SIRT1: variants seen among roughly 807,000 people sequenced by gnomAD.
The protein encoded by SIRT1 is sirtuin 1, also known as NAD-dependent protein deacetylase sirtuin-1.
A neutral mutation model predicts 67.9 loss-of-function variants in SIRT1; 24 were observed. The ratio of observed to expected loss-of-function variants is 0.35; its 90% CI spans 0.26 to 0.50. The LOEUF (loss-of-function observed/expected upper bound fraction) is 0.50. SIRT1 is among the 20% of genes least tolerant of loss of function. SIRT1 has a pLI of 0.98. For missense variants in SIRT1, 873 were observed against 937.2 expected (o/e 0.93, Z 0.89); for synonymous variants, 378 against 350.7 (o/e 1.08, Z -0.87).
At chr10:67,898,920 G>A (rs963880650) in intron 4 of SIRT1, among the ~76,000 whole-genome samples, 1 of 152,128 alleles carries the variant, frequency 6.6e-6, no homozygotes, top group Non-Finnish European at 1.5e-5. Context: ...TCTGTGAGGT[G>A]CTTGAATACT....
intron 4 of SIRT1, among the ~76,000 whole-genome samples, chr10:67,905,524 T>C (rs984101044): frequency 6.6e-6 from 1 of 152,238 alleles, no homozygotes; most frequent in African/African-American, 2.4e-5. Flanking sequence ...AAGTTTTACT[T>C]AGAAGCCTGG....
In SIRT1 at chr10:67,916,902, A is replaced by C; in HGVS notation, c.*309A>C. 1 of 178,256 alleles carries C rather than the reference A, an allele frequency of 5.6e-6. No individual in the cohort carries two copies. Among genetic ancestry groups the C allele is most frequent in the Non-Finnish European group, 1.2e-5 (1 of 86,262 alleles). 11.0% of individuals were successfully genotyped at this position (178,256 alleles called of 1,614,324 possible). ...TGATAAATTCATATGTGTATATATA[A>C]TTTTTTTTGTTTTGTCTAGTGAGTT... On this transcript the variant is annotated 3_prime_UTR_variant, in exon 9 of 9. Coordinates refer to ENST00000212015, the MANE Select transcript of SIRT1 (RefSeq NM_012238.5).
chr10:67,907,904 G>T (rs1842845410), intron 5 of SIRT1, 142 bp from the exon 6 acceptor site: 1 of 624,194 alleles, frequency 1.6e-6, no homozygotes, highest in Non-Finnish European at 2.7e-6. Flanking sequence ...GTGTTCTGAG[G>T]TTTAAAATCA....
Position 67,884,847 on chromosome 10 carries a change from C to T in SIRT1, c.126C>T (p.Pro42=). The change falls in exon 1 of 9, where the codon CCC becomes CCT. Residue 42 remains proline (P), a synonymous_variant. Transcript: ENST00000212015. ...PLRKRPRRDG[P]GLERSPGEPG... Reference sequence around the variant, plus strand: ...GCAAGAGGCCGCGGAGAGATGGTCCCGGCCTCGAGCGGAGCCCGGGCGAGC... The same window carrying T: ...GCAAGAGGCCGCGGAGAGATGGTCCTGGCCTCGAGCGGAGCCCGGGCGAGC... The T allele has an allele frequency of 2.5e-6, 3 of 1,220,106 alleles. No homozygotes were observed. The highest frequency in any genetic ancestry group is 3.1e-6 in the Non-Finnish European group (3 of 980,562). The allele number at this position is 1,220,106 out of a possible 1,614,324, so 75.6% of individuals were successfully genotyped here.
At chr10:67,906,020 AAGT>A (rs1842815755) in intron 4 of SIRT1, 1 of 619,588 alleles carries the variant, frequency 1.6e-6, no homozygotes, top group Non-Finnish European at 2.3e-6. Context: ...TTGAAGGAAA[AAGT>A]AGAGAATAAA....
At chr10:67,915,265 C>T (rs563554992) in intron 8 of SIRT1, among the ~76,000 whole-genome samples, 19 of 152,230 alleles carry the variant, frequency 1.2e-4, no homozygotes, top group Middle Eastern at 3.4e-3. Flanking sequence ...TTTGAGAATT[C>T]GTCTGGGATA....
At position 67,917,895 on chromosome 10, in the gene SIRT1, A is replaced by G. The variant is rs200166513; in HGVS notation, c.*1302A>G. On this transcript the variant is annotated 3_prime_UTR_variant, in exon 9 of 9. Transcript: ENST00000212015. ...TTATGAAATTGCACAGTAAGCATTT[A>G]TTTTTCAGACCATTTTTGAACATCA... 1.3e-5 allele frequency: 2 copies of G among 152,488 alleles called. No individual in the cohort carries two copies. The allele number at this position is 152,488 out of a possible 1,614,324, so 9.4% of individuals were successfully genotyped here. A position where few individuals can be genotyped will look rare whatever the true frequency, so the allele number is the denominator to read the frequency against.
At chr10:67,890,756 C>T (rs1382634299) in intron 3 of SIRT1, among the ~76,000 whole-genome samples, 4 of 149,592 alleles carry the variant, frequency 2.7e-5, no homozygotes, top group Non-Finnish European at 4.4e-5. Context: ...AAAAGCCGGG[C>T]GCGGTGGCTC....
intron 4 of SIRT1, among the ~76,000 whole-genome samples, chr10:67,892,439 G>A (rs1472166101): frequency 1.3e-5 from 2 of 151,986 alleles, no homozygotes; most frequent in African/African-American, 2.4e-5. Flanking sequence ...TGAGCATGGT[G>A]GTGTGCACCT....
intron 4 of SIRT1, among the ~76,000 whole-genome samples, chr10:67,900,642 C>T (rs1018820870): frequency 6.6e-6 from 1 of 151,952 alleles, no homozygotes; most frequent in Non-Finnish European, 1.5e-5. Context: ...GACAGTCTTG[C>T]TATGTTGCCC....
In SIRT1 at chr10:67,890,080, G is replaced by A. The variant is rs1204694294; in HGVS notation, c.789+957G>A. ...CTGCAGTCTCAGCCTCTCCTGGCCT[G>A]AGTCTTGCTCTGTTGCCTAGGCTGG... On this transcript the variant is annotated intron_variant, in intron 3 of 8. Transcript: ENST00000212015. Among the ~76,000 whole-genome samples, 3 of 151,688 alleles carry A rather than the reference G, an allele frequency of 2.0e-5. No individual in the cohort carries two copies. In the East Asian group the frequency reaches 5.8e-4, roughly 29 times the overall value.
intron 4 of SIRT1, among the ~76,000 whole-genome samples, chr10:67,895,463 T>C (rs780811563): frequency 2.0e-5 from 3 of 152,140 alleles, no homozygotes; most frequent in Non-Finnish European, 2.9e-5. Flanking sequence ...ATTGTCGATA[T>C]TTTACTGAAT....
At chr10:67,909,112 G>A in intron 6 of SIRT1, 144 bp from the exon 7 acceptor site, 2 of 582,378 alleles carry the variant, frequency 3.4e-6, no homozygotes, top group Middle Eastern at 3.1e-4. Flanking sequence ...ATCATTGACA[G>A]TTGCTGTTTA....
rs1842455372 is a variant in SIRT1, at chr10:67,885,168, C to A, written c.430+17C>A. ...GGTACCGAGGTGCGCAGGGTGCGGG[C>A]GGCCGGAACTGCGCATCTCCTCCTC... is the stretch of plus-strand genomic sequence containing the variant. On this transcript the variant is annotated intron_variant, in intron 1 of 8. Coordinates refer to ENST00000212015, the MANE Select transcript of SIRT1 (RefSeq NM_012238.5). 2 of 1,369,728 alleles carry A rather than the reference C, an allele frequency of 1.5e-6. No homozygotes were observed. The highest frequency in any genetic ancestry group is 1.9e-6 in the Non-Finnish European group (2 of 1,053,630). The allele number at this position is 1,369,728 out of a possible 1,614,324, so 84.8% of individuals were successfully genotyped here. A position where few individuals can be genotyped will look rare whatever the true frequency, so the allele number is the denominator to read the frequency against.
intron 4 of SIRT1, among the ~76,000 whole-genome samples, chr10:67,894,586 C>T (rs1373672798): frequency 6.6e-6 from 1 of 152,024 alleles, no homozygotes; most frequent in African/African-American, 2.4e-5. Flanking sequence ...TTACTTTGAT[C>T]TTAAATCAAC....
rs1390740362 is a variant in SIRT1, at chr10:67,887,542, C to G, written c.547+9C>G. On this transcript the variant is annotated intron_variant, in intron 2 of 8. Coordinates refer to ENST00000212015, the MANE Select transcript of SIRT1 (RefSeq NM_012238.5). The stretch of plus-strand genomic sequence containing the variant: ...TCCAAGGCCACGGATAGGTATGGCT[C>G]AGAGCTGTTAATTTTAGAGAGTAAA... 6.5e-7 allele frequency: 1 copy of G among 1,539,022 alleles called. No homozygotes were observed. The highest frequency in any genetic ancestry group is 1.4e-5 in the African/African-American group (1 of 73,200).
intron 4 of SIRT1, among the ~76,000 whole-genome samples, chr10:67,904,127 GT>G (rs1401398689): frequency 0.18 from 24,986 of 139,136 alleles, 3,545 homozygotes; most frequent in East Asian, 0.48. Flanking sequence ...TTTTTTGTTT[GT>G]TTTTTTTTTT....
intron 4 of SIRT1, among the ~76,000 whole-genome samples, chr10:67,903,013 C>T (rs1448376840): frequency 6.6e-6 from 1 of 152,094 alleles, no homozygotes. Flanking sequence ...ATTGCCTAAA[C>T]CCAGGAGAGG....
In SIRT1 at chr10:67,912,473, G is replaced by T; in HGVS notation, c.1358-1G>T. The T allele has an allele frequency of 1.3e-6, 2 of 1,587,206 alleles. No individual in the cohort carries two copies. Among genetic ancestry groups the T allele is most frequent in the Non-Finnish European group, 1.7e-6 (2 of 1,170,232 alleles). On this transcript the variant is annotated splice_acceptor_variant, in intron 7 of 8. Transcript: ENST00000212015. LOFTEE classifies it high-confidence loss of function. ...AACTCTTATTTTTCACCCTATTTTA[G>T]GTTCCATACCCCATGAAGTGCCTCA...
Sources: allele counts gnomAD v4.1 joint callset (sites outside exome capture counted in the v4.1 genomes callset), GRCh38; gene constraint gnomAD v4.1.1; transcripts MANE v1.5; gene names NCBI Gene and HGNC (gene_info 2026-07-23, HGNC 2026-07-21).